Variants in TBC1D5 observed in about 807,000 individuals in gnomAD.
TBC1D5 encodes TBC1 domain family member 5.
A neutral mutation model predicts 100.3 loss-of-function variants in TBC1D5; 75 were observed. The ratio of observed to expected loss-of-function variants is 0.75; its 90% CI spans 0.62 to 0.91. TBC1D5 has a LOEUF of 0.91. Among genes scored for constraint, TBC1D5 ranks in the 40% least tolerant of loss-of-function variants. The pLI, the probability that TBC1D5 is intolerant of heterozygous loss-of-function variation, is 0.00. For synonymous variants in TBC1D5, 323 were observed against 325.6 expected (o/e 0.99, Z 0.09); for missense variants, 910 against 942.4 (o/e 0.97, Z 0.45).
At chr3:17,593,656 A>G (rs2060378106) in intron 2 of TBC1D5, among the ~76,000 whole-genome samples, 1 of 152,314 alleles carries the variant, frequency 6.6e-6, no homozygotes, top group Admixed American at 6.5e-5. Context: ...CTGTCATGGT[A>G]TTCCACACAG....
chr3:17,262,478 GTTT>G (rs746293280), intron 15 of TBC1D5, among the ~76,000 whole-genome samples: 1,759 of 114,984 alleles, frequency 0.015, 35 homozygotes, highest in African/African-American at 0.052. Context: ...CCAAAACAAT[GTTT>G]TTTTTTTTTT....
chr3:17,541,721 G>A (rs11922854), intron 2 of TBC1D5, among the ~76,000 whole-genome samples: 10,495 of 152,086 alleles, frequency 0.069, 710 homozygotes, highest in African/African-American at 0.18. Context: ...CCATTACTAT[G>A]TTGAACAGAA....
chr3:17,179,560 AG>A (rs1198458933), intron 19 of TBC1D5, among the ~76,000 whole-genome samples: 1 of 152,224 alleles, frequency 6.6e-6, no homozygotes, highest in East Asian at 1.9e-4. Flanking sequence ...TCAGTGAAAG[AG>A]AAGCCAAGGA....
Position 17,614,007 on chromosome 3 carries a change from T to C in TBC1D5, c.-36+9842A>G, listed in dbSNP as rs567805485. On this transcript the variant is annotated intron_variant, in intron 2 of 21. Transcript: ENST00000253692. Reference sequence around the variant, plus strand: ...ATTCCCTAGGTTTTTTCTAGAGTTTTTATGGTTTTCGGTCTAACATTCAAC... The same window carrying C: ...ATTCCCTAGGTTTTTTCTAGAGTTTCTATGGTTTTCGGTCTAACATTCAAC... Among the ~76,000 whole-genome samples, 380 of 152,364 alleles carry C rather than the reference T, an allele frequency of 2.5e-3. 2 individuals carry two copies. The highest frequency in any genetic ancestry group is 4.2e-3 in the Non-Finnish European group (286 of 68,042).
At chr3:17,455,194 A>G (rs1303486728) in intron 3 of TBC1D5, among the ~76,000 whole-genome samples, 7 of 145,630 alleles carry the variant, frequency 4.8e-5, no homozygotes, top group Admixed American at 2.1e-4. Context: ...GTGTGTGTGT[A>G]TATATATGTA....
chr3:17,663,784 A>T (rs1412706623), intron 1 of TBC1D5, among the ~76,000 whole-genome samples: 3 of 152,168 alleles, frequency 2.0e-5, no homozygotes, highest in African/African-American at 7.2e-5. Context: ...AATTCTAATA[A>T]CCCAAATAGT....
chr3:17,701,612 G>A (rs893373435), intron 1 of TBC1D5, among the ~76,000 whole-genome samples: 3 of 151,864 alleles, frequency 2.0e-5, no homozygotes, highest in African/African-American at 7.3e-5. Flanking sequence ...TCCAATCTGG[G>A]CAACAAAAAA....
At chr3:17,621,716 T>C (rs986954103) in intron 2 of TBC1D5, among the ~76,000 whole-genome samples, 1 of 152,210 alleles carries the variant, frequency 6.6e-6, no homozygotes, top group African/African-American at 2.4e-5. Flanking sequence ...ACTTTTTTTT[T>C]TTTTTAAACA....
At chr3:17,714,218 CA>C (rs1234346562) in intron 1 of TBC1D5, among the ~76,000 whole-genome samples, 1 of 152,170 alleles carries the variant, frequency 6.6e-6, no homozygotes, top group African/African-American at 2.4e-5. Context: ...ACTCAGGCTA[CA>C]AAAGCAGCAA....
intron 3 of TBC1D5, among the ~76,000 whole-genome samples, chr3:17,438,620 G>A (rs1339747158): frequency 6.6e-6 from 1 of 152,176 alleles, no homozygotes; most frequent in East Asian, 1.9e-4. Context: ...GCAGAACAGA[G>A]TCAATTAAAC....
intron 1 of TBC1D5, among the ~76,000 whole-genome samples, chr3:17,737,819 T>C (rs2077075722): frequency 8.5e-6 from 1 of 117,308 alleles, no homozygotes; most frequent in South Asian, 3.7e-4. Flanking sequence ...TAAGACTATT[T>C]TGTTTCAAAA....
intron 13 of TBC1D5, among the ~76,000 whole-genome samples, chr3:17,346,064 TATA>T (rs1315137811): frequency 7.2e-5 from 11 of 151,922 alleles, no homozygotes; most frequent in Admixed American, 1.3e-4. Flanking sequence ...AAACTTAAAG[TATA>T]ATAATAATAA....
At chr3:17,555,064 T>C (rs1040256237) in intron 2 of TBC1D5, among the ~76,000 whole-genome samples, 5 of 152,070 alleles carry the variant, frequency 3.3e-5, no homozygotes, top group Admixed American at 1.3e-4. Flanking sequence ...TTGGCCAGGA[T>C]GGTCTCGATC....
intron 19 of TBC1D5, among the ~76,000 whole-genome samples, chr3:17,176,071 A>G (rs895605687): frequency 1.3e-5 from 2 of 152,202 alleles, no homozygotes; most frequent in Non-Finnish European, 2.9e-5. Flanking sequence ...GTGTGAAAGG[A>G]TGAAAACAGG....
At chr3:17,185,022 C>T in intron 19 of TBC1D5, 87 bp downstream of exon 20, 1 of 1,178,330 alleles carries the variant, frequency 8.5e-7, no homozygotes. Flanking sequence ...ATGTAAACAG[C>T]TTAGCACAAG....
intron 1 of TBC1D5, among the ~76,000 whole-genome samples, chr3:17,704,678 G>C (rs1451064475): frequency 1.0e-4 from 7 of 68,390 alleles, no homozygotes; most frequent in African/African-American, 1.4e-4. Context: ...TCCCGGACGG[G>C]GCGGCTGGCC....
At chr3:17,463,943 C>CTTTTTTTTTTTTTTTTTTT (rs1025162858) in intron 3 of TBC1D5, among the ~76,000 whole-genome samples, 2 of 87,510 alleles carry the variant, frequency 2.3e-5, no homozygotes, top group Admixed American at 1.4e-4. Context: ...TTCCTTATTC[C>CTTTTTTTTTTTTTTTTTTT]TTTTTTTTTT....
intron 1 of TBC1D5, among the ~76,000 whole-genome samples, chr3:17,662,141 C>T (rs1000087788): frequency 6.6e-6 from 1 of 152,188 alleles, no homozygotes; most frequent in Non-Finnish European, 1.5e-5. Context: ...AATCCTCTCA[C>T]CTTGGCATCC....
chr3:17,480,821 C>T (rs937327983), intron 3 of TBC1D5, among the ~76,000 whole-genome samples: 14 of 152,326 alleles, frequency 9.2e-5, no homozygotes, highest in African/African-American at 2.6e-4. Flanking sequence ...CGAGAGCTGC[C>T]GTTACTCACT....
Sources: gnomAD v4.1 joint callset for allele counts (sites outside exome capture counted in the v4.1 genomes callset) on GRCh38, gnomAD v4.1.1 for gene constraint, MANE v1.5 for transcripts, NCBI Gene and HGNC (gene_info 2026-07-23, HGNC 2026-07-21) for gene names.